Variants in ZFAND3 observed in about 807,000 individuals in gnomAD.
ZFAND3 encodes the protein zinc finger AN1-type containing 3.
A neutral mutation model predicts 29.6 loss-of-function variants in ZFAND3; 10 were observed. The ratio of observed to expected loss-of-function variants is 0.34; its 90% CI spans 0.21 to 0.57. The LOEUF is 0.57. Among genes scored for constraint, ZFAND3 ranks in the 20% least tolerant of loss-of-function variants. ZFAND3 has a pLI of 0.86. For synonymous variants in ZFAND3, 128 were observed against 112.6 expected (o/e 1.14, Z -0.87); for missense variants, 230 against 304.5 (o/e 0.76, Z 1.82).
At chr6:37,910,576 C>G (rs1412418933) in intron 1 of ZFAND3, among the ~76,000 whole-genome samples, 1 of 152,180 alleles carries the variant, frequency 6.6e-6, no homozygotes, top group Non-Finnish European at 1.5e-5. Flanking sequence ...ATTAACACCT[C>G]ACACACCTAT....
chr6:37,964,291 A>G (rs890702518), intron 2 of ZFAND3, among the ~76,000 whole-genome samples: 3 of 152,186 alleles, frequency 2.0e-5, no homozygotes, highest in African/African-American at 7.2e-5. Flanking sequence ...CTACCATGCT[A>G]CAGGACCAGA....
intron 4 of ZFAND3, among the ~76,000 whole-genome samples, chr6:38,109,956 A>G (rs547765265): frequency 6.6e-5 from 10 of 152,258 alleles, no homozygotes; most frequent in Admixed American, 2.0e-4. Flanking sequence ...GTGCACTCCC[A>G]AGATGGTCAG....
chr6:38,058,422 G>A (rs1266214092), intron 2 of ZFAND3, among the ~76,000 whole-genome samples: 1 of 152,196 alleles, frequency 6.6e-6, no homozygotes. Context: ...CATTGATATA[G>A]TACCTGTTTC....
intron 2 of ZFAND3, among the ~76,000 whole-genome samples, chr6:37,968,533 A>G (rs1403877345): frequency 6.6e-6 from 1 of 152,024 alleles, no homozygotes; most frequent in Non-Finnish European, 1.5e-5. Context: ...GAAAATAAGC[A>G]GTAAGGATGG....
intron 1 of ZFAND3, among the ~76,000 whole-genome samples, chr6:37,893,734 A>G (rs1262024453): frequency 6.6e-6 from 1 of 151,986 alleles, no homozygotes; most frequent in Non-Finnish European, 1.5e-5. Context: ...TTGTATTTTT[A>G]GTAGAGACGT....
chr6:38,031,275 T>A (rs1763554305), intron 2 of ZFAND3, among the ~76,000 whole-genome samples: 1 of 152,192 alleles, frequency 6.6e-6, no homozygotes, highest in Non-Finnish European at 1.5e-5. Flanking sequence ...TTGCTAGAAG[T>A]TTCTTTCACC....
intron 2 of ZFAND3, among the ~76,000 whole-genome samples, chr6:37,945,671 G>A (rs554950431): frequency 8.5e-5 from 13 of 152,240 alleles, no homozygotes; most frequent in African/African-American, 2.9e-4. Flanking sequence ...CATGGCACCC[G>A]GCCGACATAG....
At chr6:38,149,732 C>T (rs1042809255) in intron 5 of ZFAND3, among the ~76,000 whole-genome samples, 1 of 152,180 alleles carries the variant, frequency 6.6e-6, no homozygotes, top group African/African-American at 2.4e-5. Context: ...TTCCCTTCCA[C>T]CCCAGTCCAT....
intron 2 of ZFAND3, among the ~76,000 whole-genome samples, chr6:37,944,677 A>G (rs1257077130): frequency 2.6e-5 from 4 of 152,174 alleles, no homozygotes; most frequent in Admixed American, 6.5e-5. Flanking sequence ...TTGGGTAGCA[A>G]TTTGAGAACT....
chr6:37,963,068 C>T (rs1338408233), intron 2 of ZFAND3, among the ~76,000 whole-genome samples: 2 of 152,130 alleles, frequency 1.3e-5, no homozygotes, highest in East Asian at 3.9e-4. Flanking sequence ...CATCTGAACA[C>T]CTGAAGGAAC....
chr6:37,938,538 G>A (rs1328479305), intron 2 of ZFAND3, among the ~76,000 whole-genome samples: 1 of 152,058 alleles, frequency 6.6e-6, no homozygotes, highest in South Asian at 2.1e-4. Context: ...TATGTTAAAA[G>A]AATGTTTCTG....
intron 2 of ZFAND3, among the ~76,000 whole-genome samples, chr6:38,049,836 TTTACTC>T (rs1313867102): frequency 3.3e-5 from 5 of 151,676 alleles, no homozygotes; most frequent in Non-Finnish European, 7.4e-5. Flanking sequence ...TACTTGGTCT[TTTACTC>T]TTTGGGAAAG....
chr6:37,985,669 A>G (rs1762658916), intron 2 of ZFAND3, among the ~76,000 whole-genome samples: 1 of 152,038 alleles, frequency 6.6e-6, no homozygotes, highest in African/African-American at 2.4e-5. Context: ...ACACAGTGAG[A>G]CCCTGTCTCC....
intron 4 of ZFAND3, among the ~76,000 whole-genome samples, chr6:38,082,767 A>T (rs562402698): frequency 6.6e-6 from 1 of 152,310 alleles, no homozygotes; most frequent in East Asian, 1.9e-4. Context: ...GTAGCATGTA[A>T]CTAATCTGAG....
rs371439802 is a variant in ZFAND3, at chr6:37,900,396, G to A, written c.72-29563G>A. ...TGCAGAAGACATCTCTTTTTCAAGA[G>A]GAGAAACTCATCTTACAAATGGTGT... On this transcript the variant is annotated intron_variant, in intron 1 of 5. Coordinates refer to ENST00000287218, the MANE Select transcript of ZFAND3 (RefSeq NM_021943.3). Among the ~76,000 whole-genome samples the A allele has an allele frequency of 2.7e-4, 41 of 152,270 alleles. No homozygotes were observed. The South Asian group carries it at 8.5e-3, about 32-fold the overall frequency.
chr6:37,827,339 G>A (rs1224876858), intron 1 of ZFAND3, among the ~76,000 whole-genome samples: 2 of 152,340 alleles, frequency 1.3e-5, no homozygotes, highest in East Asian at 3.8e-4. Context: ...GGCTTGTACA[G>A]GGAGGTATTG....
chr6:37,900,743 T>G (rs1318654046), intron 1 of ZFAND3, among the ~76,000 whole-genome samples: 1 of 152,134 alleles, frequency 6.6e-6, no homozygotes, highest in Admixed American at 6.5e-5. Flanking sequence ...GTCATGGAGC[T>G]TTTATGGAGT....
Position 38,131,978 on chromosome 6 carries a change from A to G in ZFAND3, c.529+15239A>G, listed in dbSNP as rs1765750545. On this transcript the variant is annotated intron_variant, in intron 5 of 5. Transcript: ENST00000287218. ...GTGCAGCCTCAGGATTTCCCAGTGG[A>G]TTATTTGGCTGAACGAAAAAGATCC... Among the ~76,000 whole-genome samples, 4 of 152,322 alleles carry G rather than the reference A, an allele frequency of 2.6e-5. 1 individual carries two copies. The highest frequency in any genetic ancestry group is 2.6e-4 in the Admixed American group (4 of 15,298).
chr6:37,872,051 T>G (rs1764703321), intron 1 of ZFAND3, among the ~76,000 whole-genome samples: 1 of 152,218 alleles, frequency 6.6e-6, no homozygotes, highest in Admixed American at 6.5e-5. Context: ...TCTCCATTTC[T>G]GGCTTTCTCC....
Sources: allele counts gnomAD v4.1 joint callset (sites outside exome capture counted in the v4.1 genomes callset), GRCh38; gene constraint gnomAD v4.1.1; transcripts MANE v1.5; gene names NCBI Gene and HGNC (gene_info 2026-07-23, HGNC 2026-07-21).